ZNF121: variants seen among roughly 807,000 people sequenced by gnomAD.
ZNF121 encodes the protein zinc finger protein 121.
Under a neutral mutation model 2.4 loss-of-function variants are expected in ZNF121, and 1 was observed. That is an observed-to-expected ratio of 0.41 (90% CI 0.15 to 1.94). The LOEUF is 1.94. Among genes scored for constraint, ZNF121 ranks in the 30% most tolerant of loss-of-function variants. ZNF121 has a pLI of 0.30. For synonymous variants in ZNF121, 173 were observed against 158.6 expected (o/e 1.09, Z -0.68); for missense variants, 369 against 466.3 (o/e 0.79, Z 1.92).
intron 1 of ZNF121, among the ~76,000 whole-genome samples, chr19:9,582,877 A>G (rs1431498834): frequency 2.0e-5 from 3 of 152,150 alleles, no homozygotes; most frequent in Non-Finnish European, 2.9e-5. Context: ...AATTCAATAG[A>G]TACTACTTTA....
At chr19:9,576,883 G>A (rs1049661605) in intron 1 of ZNF121, among the ~76,000 whole-genome samples, 5 of 152,056 alleles carry the variant, frequency 3.3e-5, no homozygotes, top group Non-Finnish European at 7.3e-5. Flanking sequence ...ATTATTGGGC[G>A]CATACAACCT....
chr19:9,577,783 TC>T, intron 1 of ZNF121, among the ~76,000 whole-genome samples: 1 of 152,140 alleles, frequency 6.6e-6, no homozygotes, highest in South Asian at 2.1e-4. Flanking sequence ...GTGCAGTGGC[TC>T]ACACCTGTAA....
At chr19:9,580,024 G>A (rs2074237868) in intron 1 of ZNF121, among the ~76,000 whole-genome samples, 1 of 152,086 alleles carries the variant, frequency 6.6e-6, no homozygotes, top group Non-Finnish European at 1.5e-5. Context: ...AGGCGCGGGT[G>A]GCTCACACCT....
chr19:9,584,290 T>A (rs1452863370), intron 1 of ZNF121, 171 bp downstream of exon 1: 2 of 152,262 alleles, frequency 1.3e-5, no homozygotes, highest in African/African-American at 4.8e-5. Flanking sequence ...GGCTCCTGAC[T>A]GGGACCCACT....
At chr19:9,580,441 T>G (rs1439106219) in intron 1 of ZNF121, among the ~76,000 whole-genome samples, 1 of 151,868 alleles carries the variant, frequency 6.6e-6, no homozygotes, top group African/African-American at 2.4e-5. Flanking sequence ...TGAGCCATGA[T>G]TATGCCATTG....
chr19:9,583,797 G>A (rs1359058936), intron 1 of ZNF121, among the ~76,000 whole-genome samples: 6 of 152,128 alleles, frequency 3.9e-5, no homozygotes, highest in African/African-American at 7.2e-5. Flanking sequence ...GAGCCAGCGC[G>A]CCCAGCCTGC....
intron 1 of ZNF121, among the ~76,000 whole-genome samples, chr19:9,582,802 C>T (rs529733426): frequency 6.7e-6 from 1 of 148,906 alleles, no homozygotes; most frequent in Admixed American, 6.7e-5. Context: ...TTCAAGTTTT[C>T]CCTAGGATCA....
In ZNF121 at chr19:9,565,859, T is replaced by G. The variant is rs1394203984; in HGVS notation, c.*81A>C. 1.7e-6 allele frequency: 2 copies of G among 1,149,590 alleles called. No individual in the cohort carries two copies. Among genetic ancestry groups the G allele is most frequent in the Non-Finnish European group, 2.4e-6 (2 of 830,580 alleles). 71.2% of individuals were successfully genotyped at this position (1,149,590 alleles called of 1,614,324 possible). On this transcript the variant is annotated 3_prime_UTR_variant, in exon 4 of 4. Transcript: ENST00000320451. ...TTCTTTGTACCAATAAAATTTCTCT[T>G]CAGTGTGAATTCAAATGTGGTAATT...
chr19:9,580,304 GAAA>G, intron 1 of ZNF121, among the ~76,000 whole-genome samples: 1 of 138,388 alleles, frequency 7.2e-6, no homozygotes, highest in South Asian at 2.3e-4. Context: ...AAGAAAAAAA[GAAA>G]AAAAAAAAGA....
In ZNF121 at chr19:9,562,457, C is replaced by A; in HGVS notation, c.*3483G>T. 7.6e-6 allele frequency: 2 copies of A among 262,976 alleles called. No individual in the cohort carries two copies. Among genetic ancestry groups the A allele is most frequent in the Non-Finnish European group, 8.5e-6 (1 of 117,788 alleles). The allele number at this position is 262,976 out of a possible 1,614,324, so 16.3% of individuals were successfully genotyped here. On this transcript the variant is annotated 3_prime_UTR_variant, in exon 4 of 4. Transcript: ENST00000320451. ...GGGATTACAGGTGTGAGCCACCGTGCCCGGCTGCTCTGTGATCTTTGATGT... is the reference window on the plus strand; with the variant it reads ...GGGATTACAGGTGTGAGCCACCGTGACCGGCTGCTCTGTGATCTTTGATGT...
chr19:9,567,096 T>C lies in ZNF121; in HGVS notation c.17A>G (p.Asn6Ser), dbSNP rs2074139491. ...CATAAAGTCACAGAGTTCCCCTCCA[T>C]TGTGGATTTCTGCCTGTTAATAAAG... Reference protein sequence around the residue: MAEIHNGGELCDFMEN... With the variant: MAEIHSGGELCDFMEN... The change falls in exon 4 of 4, where the codon AAT (asparagine) becomes AGT (serine). Residue 6 changes from asparagine (N) to serine (S), a missense_variant. By Grantham distance (46) the Asn-to-Ser change is conservative. Around this residue, in one of 4 missense-constraint regions of ZNF121, gnomAD observed 168 missense variants for 162.3 expected, o/e 1.03. Coordinates refer to ENST00000320451, the MANE Select transcript of ZNF121 (RefSeq NM_001008727.5). The C allele has an allele frequency of 6.2e-7, 1 of 1,609,124 alleles. No homozygotes were observed. The highest frequency in any genetic ancestry group is 8.5e-7 in the Non-Finnish European group (1 of 1,177,370).
intron 1 of ZNF121, among the ~76,000 whole-genome samples, chr19:9,576,906 C>A (rs1037283891): frequency 6.6e-6 from 1 of 152,088 alleles, no homozygotes; most frequent in Non-Finnish European, 1.5e-5. Flanking sequence ...CATGATTGAA[C>A]CATGAACAAA....
At chr19:9,577,281 T>TAA (rs895457784) in intron 1 of ZNF121, among the ~76,000 whole-genome samples, 3 of 149,988 alleles carry the variant, frequency 2.0e-5, no homozygotes, top group Admixed American at 6.7e-5. Context: ...CTGTCTCTAC[T>TAA]AAAAAAAAAC....
chr19:9,577,701 T>C lies in ZNF121; in HGVS notation c.-160+6760A>G, dbSNP rs879798463. Reference sequence around the variant, plus strand: ...AAAAGAGAAAAAAAATCCTAAAATGTATATGCAATCACAAAAGACCTCAAA... The same window carrying C: ...AAAAGAGAAAAAAAATCCTAAAATGCATATGCAATCACAAAAGACCTCAAA... On this transcript the variant is annotated intron_variant, in intron 1 of 3. Coordinates refer to ENST00000320451, the MANE Select transcript of ZNF121 (RefSeq NM_001008727.5). Among the ~76,000 whole-genome samples the C allele has an allele frequency of 2.0e-4, 30 of 152,058 alleles. 1 individual carries two copies. Among genetic ancestry groups the C allele is most frequent in the Admixed American group, 1.8e-3 (27 of 15,270 alleles).
chr19:9,567,964 C>A (rs2074145607), intron 3 of ZNF121, 131 bp downstream of exon 3: 1 of 1,024,220 alleles, frequency 9.8e-7, no homozygotes, highest in Non-Finnish European at 1.4e-6. Context: ...CAGTGGGGAC[C>A]CTTGCTCTAG....
chr19:9,575,198 T>G (rs1040413865), intron 1 of ZNF121, among the ~76,000 whole-genome samples: 3 of 152,076 alleles, frequency 2.0e-5, no homozygotes, highest in African/African-American at 7.2e-5. Flanking sequence ...GGTGGGCGGA[T>G]CACCTGACAT....
chr19:9,580,425 G>A (rs995933706), intron 1 of ZNF121, among the ~76,000 whole-genome samples: 3 of 149,382 alleles, frequency 2.0e-5, no homozygotes, highest in Non-Finnish European at 3.0e-5. Flanking sequence ...CACTAAAAAC[G>A]AGCAATGAGC....
rs148822708 is a variant in ZNF121, at chr19:9,565,986, G to A, written c.1127C>T (p.Ala376Val). 1.9e-6 allele frequency: 3 copies of A among 1,597,672 alleles called. No individual in the cohort carries two copies. The highest frequency in any genetic ancestry group is 2.6e-6 in the Non-Finnish European group (3 of 1,172,638). The change falls in exon 4 of 4, where the codon GCC (alanine) becomes GTC (valine). Residue 376 changes from alanine to valine, a missense_variant. By Grantham distance (64) the Ala-to-Val change is moderately conservative. This residue lies in a region of ZNF121 where 127 missense variants were observed against 169.9 expected (regional missense o/e 0.75). Coordinates refer to ENST00000320451, the MANE Select transcript of ZNF121 (RefSeq NM_001008727.5). ...KPYICNECGK[A>V]YNRFYLLTKH... is the part of the protein sequence containing the mutation. The stretch of plus-strand genomic sequence containing the variant: ...AGTAAGTAAATAAAATCTATTGTAG[G>A]CTTTCCCACATTCGTTACATATATA...
At position 9,563,007 on chromosome 19, in the gene ZNF121, A is replaced by T. The variant is rs952125940; in HGVS notation, c.*2933T>A. ...CGTAAGTTTGAGGCTGCAATGGGCT[A>T]TAACTGTACTACACTCCAGCCTGGG... On this transcript the variant is annotated 3_prime_UTR_variant, in exon 4 of 4. Transcript: ENST00000320451. The T allele has an allele frequency of 6.7e-6, 1 of 149,222 alleles. No homozygotes were observed. Among genetic ancestry groups the T allele is most frequent in the Non-Finnish European group, 1.5e-5 (1 of 67,576 alleles). 9.2% of individuals were successfully genotyped at this position (149,222 alleles called of 1,614,324 possible). A position where few individuals can be genotyped will look rare whatever the true frequency, so the allele number is the denominator to read the frequency against.
Sources: allele counts gnomAD v4.1 joint callset (sites outside exome capture counted in the v4.1 genomes callset), GRCh38; gene constraint gnomAD v4.1.1; regional missense constraint gnomAD v4.1.1; transcripts MANE v1.5; gene names NCBI Gene and HGNC (gene_info 2026-07-23, HGNC 2026-07-21).